AHI1: variants seen among roughly 807,000 people sequenced by gnomAD.
AHI1 encodes jouberin.
In AHI1, 123 loss-of-function variants were observed where a neutral mutation model predicts 149.3. That is an observed-to-expected ratio of 0.82 (90% CI 0.71 to 0.96). AHI1 has a LOEUF of 0.96. Ranked by LOEUF, AHI1 falls within the 40% of genes least tolerant of loss-of-function variation. AHI1 has a pLI of 0.00. For missense variants in AHI1, 1,439 were observed against 1,422.7 expected (o/e 1.01, Z -0.18); for synonymous variants, 475 against 459.8 (o/e 1.03, Z -0.42).
chr6:135,367,007 A>C (rs1208195461), intron 23 of AHI1, among the ~76,000 whole-genome samples: 1 of 152,108 alleles, frequency 6.6e-6, no homozygotes, highest in Non-Finnish European at 1.5e-5. Context: ...AGAATTTTTA[A>C]ATTTCCATCT....
chr6:135,461,721 G>A (rs1286607773), intron 8 of AHI1, among the ~76,000 whole-genome samples: 1 of 151,816 alleles, frequency 6.6e-6, no homozygotes, highest in East Asian at 1.9e-4. Context: ...TTCACACAAT[G>A]GATATCTAAA....
intron 8 of AHI1, among the ~76,000 whole-genome samples, chr6:135,460,455 A>G (rs1034723532): frequency 1.3e-5 from 2 of 152,206 alleles, no homozygotes; most frequent in Admixed American, 1.3e-4. Context: ...CTGAGAATCA[A>G]TACTGTGTAA....
At chr6:135,354,062 T>C (rs1408074007) in intron 24 of AHI1, among the ~76,000 whole-genome samples, 4 of 152,112 alleles carry the variant, frequency 2.6e-5, no homozygotes, top group African/African-American at 9.7e-5. Context: ...GATGAGACAG[T>C]CTGAATTTTA....
At chr6:135,460,081 A>G (rs2128086592) in intron 8 of AHI1, among the ~76,000 whole-genome samples, 1 of 152,046 alleles carries the variant, frequency 6.6e-6, no homozygotes, top group African/African-American at 2.4e-5. Context: ...TACTTGGAAG[A>G]CTGAGGTGGG....
chr6:135,347,560 A>T lies in AHI1; in HGVS notation c.3165+10572T>A, dbSNP rs150264839. 2.5e-3 allele frequency among the ~76,000 whole-genome samples: 383 copies of T among 152,306 alleles called. 5 individuals carry two copies. Among genetic ancestry groups the T allele is most frequent in the African/African-American group, 8.4e-3 (351 of 41,578 alleles). On this transcript the variant is annotated intron_variant, in intron 24 of 28. Transcript: ENST00000265602. ...GTTTTCCCTTTGGCAAACGGTGATG[A>T]TAATAATAATTTATCTCATAGAATT...
At chr6:135,291,657 T>G (rs1782369132) in intron 27 of AHI1, among the ~76,000 whole-genome samples, 1 of 152,090 alleles carries the variant, frequency 6.6e-6, no homozygotes, top group African/African-American at 2.4e-5. Context: ...GCACCCTGAA[T>G]AGACTAATGA....
chr6:135,342,310 A>G (rs1210942670), intron 24 of AHI1, among the ~76,000 whole-genome samples: 1 of 151,942 alleles, frequency 6.6e-6, no homozygotes, highest in Non-Finnish European at 1.5e-5. Context: ...ACTGCCCAGA[A>G]TGCATCATTG....
At chr6:135,298,412 T>C (rs1056393356) in intron 27 of AHI1, among the ~76,000 whole-genome samples, 4 of 151,278 alleles carry the variant, frequency 2.6e-5, no homozygotes, top group Non-Finnish European at 2.9e-5. Context: ...TTTACATATA[T>C]TGGTCAACCA....
At chr6:135,444,172 T>TC (rs1786784710) in intron 13 of AHI1, among the ~76,000 whole-genome samples, 1 of 152,200 alleles carries the variant, frequency 6.6e-6, no homozygotes, top group Admixed American at 6.5e-5. Flanking sequence ...TCTCTCGTAT[T>TC]CATTAGACCC....
At chr6:135,328,173 T>C (rs1030560809) in intron 24 of AHI1, among the ~76,000 whole-genome samples, 3 of 152,164 alleles carry the variant, frequency 2.0e-5, no homozygotes, top group Admixed American at 1.3e-4. Flanking sequence ...TAGAATTGAA[T>C]TGGAGTACAT....
intron 23 of AHI1, among the ~76,000 whole-genome samples, chr6:135,370,052 G>A (rs1582869654): frequency 6.6e-6 from 1 of 151,812 alleles, no homozygotes; most frequent in African/African-American, 2.4e-5. Flanking sequence ...CTTTGTTATG[G>A]GTCATCTATT....
At chr6:135,437,892 T>C (rs1785646157) in intron 15 of AHI1, among the ~76,000 whole-genome samples, 4 of 152,222 alleles carry the variant, frequency 2.6e-5, no homozygotes, top group Admixed American at 2.6e-4. Flanking sequence ...ATAAATTATT[T>C]TTAAGATTGA....
chr6:135,334,633 T>C (rs1037488908), intron 24 of AHI1, among the ~76,000 whole-genome samples: 3 of 152,232 alleles, frequency 2.0e-5, no homozygotes, highest in Non-Finnish European at 4.4e-5. Context: ...TAAAATAACA[T>C]CTTTTTATTG....
intron 25 of AHI1, 78 bp from the exon 26 acceptor site, chr6:135,318,694 C>A (rs1331022646): frequency 5.0e-6 from 4 of 792,438 alleles, no homozygotes; most frequent in Admixed American, 6.1e-5. Flanking sequence ...ATGGTAGGGG[C>A]AAATATGAAA....
chr6:135,391,194 A>G lies in AHI1; in HGVS notation c.3109+3582T>C, dbSNP rs568564318. The stretch of plus-strand genomic sequence containing the variant: ...ACTCACATAGATGCCAGCTGTATTC[A>G]AAGAAAAAAATACATTTTAGAATCC... On this transcript the variant is annotated intron_variant, in intron 23 of 28. Coordinates refer to ENST00000265602, the MANE Select transcript of AHI1 (RefSeq NM_001134831.2). Among the ~76,000 whole-genome samples, 3 of 152,312 alleles carry G rather than the reference A, an allele frequency of 2.0e-5. No individual in the cohort carries two copies. The South Asian group carries it at 6.2e-4, about 32-fold the overall frequency.
At chr6:135,436,264 T>C (rs1785386231) in intron 15 of AHI1, among the ~76,000 whole-genome samples, 1 of 152,010 alleles carries the variant, frequency 6.6e-6, no homozygotes, top group Non-Finnish European at 1.5e-5. Flanking sequence ...AGACAATGGA[T>C]AGAACTGGTC....
chr6:135,370,378 A>T (rs2246943), intron 23 of AHI1, among the ~76,000 whole-genome samples: 81,926 of 152,054 alleles, frequency 0.54, 22,393 homozygotes, highest in Middle Eastern at 0.64. Flanking sequence ...GTTTCCTGTC[A>T]GTGCTTAAGC....
At chr6:135,326,157 T>A (rs1410596364) in intron 24 of AHI1, among the ~76,000 whole-genome samples, 2 of 152,246 alleles carry the variant, frequency 1.3e-5, no homozygotes, top group Non-Finnish European at 2.9e-5. Context: ...TGGACTGAAT[T>A]GTGTCACTCA....
chr6:135,425,739 T>C (rs1176061431), intron 20 of AHI1, among the ~76,000 whole-genome samples: 1 of 151,752 alleles, frequency 6.6e-6, no homozygotes, highest in African/African-American at 2.4e-5. Context: ...AATGCTTAGC[T>C]CTTTCTCCTA....
Sources: gnomAD v4.1 joint callset for allele counts (sites outside exome capture counted in the v4.1 genomes callset) on GRCh38, gnomAD v4.1.1 for gene constraint, MANE v1.5 for transcripts, NCBI Gene and HGNC (gene_info 2026-07-23, HGNC 2026-07-21) for gene names.